The following DCAF8L2 variants were observed in gnomAD, a reference collection of about 807,000 sequenced individuals.
DCAF8L2 encodes DDB1 and CUL4 associated factor 8 like 2, also known as DDB1- and CUL4-associated factor 8-like protein 2.
For missense variants in DCAF8L2, 430 were observed against 490.7 expected, an observed-to-expected ratio of 0.88 and a Z score of 1.17; for synonymous variants, 200 against 190.9, an observed-to-expected ratio of 1.05 and a Z score of -0.39.
At chrX:27,500,581 C>T in the DCAF8L2 span, among the ~76,000 whole-genome samples, 3 of 111,498 alleles carry the variant, frequency 2.7e-5, no homozygotes, top group South Asian at 1.1e-3. Context: ...CAATATATTT[C>T]CCTGGGAATT....
intron 2 of DCAF8L2, among the ~76,000 whole-genome samples, chrX:27,645,826 G>T (rs1928917612): frequency 1.8e-5 from 2 of 110,751 alleles, no homozygotes; most frequent in African/African-American, 6.6e-5. Context: ...TTGCCACAAA[G>T]AGAATAAAAC....
the DCAF8L2 span, among the ~76,000 whole-genome samples, chrX:27,520,891 TATG>T: frequency 1.1e-4 from 12 of 112,019 alleles, no homozygotes; most frequent in African/African-American, 3.6e-4. Context: ...GTTCTCAAAA[TATG>T]AGAACTTTCA....
chrX:27,663,175 A>G (rs376082187), intron 2 of DCAF8L2, among the ~76,000 whole-genome samples: 4 of 112,068 alleles, frequency 3.6e-5, no homozygotes, highest in East Asian at 2.8e-4. Context: ...ATGGTATCCC[A>G]TAGAGTGAAA....
intron 2 of DCAF8L2, among the ~76,000 whole-genome samples, chrX:27,662,796 T>G (rs981749036): frequency 8.9e-6 from 1 of 111,775 alleles, no homozygotes; most frequent in African/African-American, 3.2e-5. Flanking sequence ...ATGACCCATA[T>G]AAGAGTGTTA....
At chrX:27,587,975 TAA>T (rs531576238), upstream of DCAF8L2, among the ~76,000 whole-genome samples, 595 of 25,484 alleles carry the variant, frequency 0.023, 9 homozygotes, top group African/African-American at 0.062. Context: ...GTACTTCCAT[TAA>T]AAAAAAAAAT....
At chrX:27,532,061 C>A in the DCAF8L2 span, among the ~76,000 whole-genome samples, 52 of 95,669 alleles carry the variant, frequency 5.4e-4, 1 homozygote, top group African/African-American at 2.2e-3. Flanking sequence ...AAATTGATAT[C>A]GATATATATA....
At chrX:27,592,420 T>TTG (rs200441788) in intron 1 of DCAF8L2, among the ~76,000 whole-genome samples, 3,411 of 94,015 alleles carry the variant, frequency 0.036, 128 homozygotes, top group African/African-American at 0.17. Flanking sequence ...TGTTTTTGTT[T>TTG]TTTTTTTTTT....
At chrX:27,717,439 A>G (rs770764892) in intron 4 of DCAF8L2, among the ~76,000 whole-genome samples, 1 of 112,282 alleles carries the variant, frequency 8.9e-6, no homozygotes, top group South Asian at 3.7e-4. Context: ...CTGACATGAG[A>G]TGGTATCTCA....
chrX:27,588,125 G>A (rs7883791), upstream of DCAF8L2, among the ~76,000 whole-genome samples: 5,259 of 107,199 alleles, frequency 0.049, 284 homozygotes, highest in African/African-American at 0.14. Context: ...CCCAGGTAGC[G>A]AACATAGTCC....
intron 3 of DCAF8L2, among the ~76,000 whole-genome samples, chrX:27,696,322 GAA>G (rs1424803203): frequency 1.4e-3 from 54 of 38,896 alleles, no homozygotes; most frequent in South Asian, 5.3e-3. Context: ...AAGAAAGAAA[GAA>G]AGAAAGAAAA....
At chrX:27,579,702 CTT>C in the DCAF8L2 span, among the ~76,000 whole-genome samples, 1 of 107,767 alleles carries the variant, frequency 9.3e-6, no homozygotes, top group African/African-American at 3.4e-5. Flanking sequence ...GTACTCCTCT[CTT>C]TTCAGACTTT....
the DCAF8L2 span, among the ~76,000 whole-genome samples, chrX:27,503,580 CAAA>C: frequency 3.9e-4 from 41 of 105,849 alleles, no homozygotes; most frequent in African/African-American, 1.4e-3. Context: ...TTCACTTTTG[CAAA>C]AAAAAAATCA....
chrX:27,690,982 T>C (rs1930692355), intron 3 of DCAF8L2, among the ~76,000 whole-genome samples: 1 of 111,709 alleles, frequency 9.0e-6, no homozygotes, highest in Non-Finnish European at 1.9e-5. Flanking sequence ...ACCACTGAAA[T>C]AAGCATTTTT....
At chrX:27,492,454 C>A in the DCAF8L2 span, among the ~76,000 whole-genome samples, 22,020 of 108,290 alleles carry the variant, frequency 0.2, 2,225 homozygotes, top group African/African-American at 0.35. Context: ...CCTTTGCTAA[C>A]TCCATGTTTT....
At chrX:27,478,476 C>A in the DCAF8L2 span, among the ~76,000 whole-genome samples, 1 of 111,968 alleles carries the variant, frequency 8.9e-6, no homozygotes, top group African/African-American at 3.2e-5. Flanking sequence ...GTTTGGATTA[C>A]ATTTGCTTTC....
chrX:27,494,909 A>C, the DCAF8L2 span, among the ~76,000 whole-genome samples: 1 of 111,469 alleles, frequency 9.0e-6, no homozygotes, highest in African/African-American at 3.2e-5. Flanking sequence ...TTAGAAGGTC[A>C]AAATGTTTTA....
chrX:27,742,428 G>A (rs192938497), intron 4 of DCAF8L2, among the ~76,000 whole-genome samples: 12 of 109,904 alleles, frequency 1.1e-4, no homozygotes, highest in African/African-American at 2.7e-4. Context: ...AATTAGCCAG[G>A]TGGGGTGGCA....
At chrX:27,542,784 C>T in the DCAF8L2 span, among the ~76,000 whole-genome samples, 21 of 109,436 alleles carry the variant, frequency 1.9e-4, no homozygotes, top group East Asian at 5.8e-4. Flanking sequence ...CCTCGGGATC[C>T]GCCCGCCTCG....
the DCAF8L2 span, among the ~76,000 whole-genome samples, chrX:27,491,135 A>G: frequency 8.9e-6 from 1 of 111,996 alleles, no homozygotes; most frequent in Non-Finnish European, 1.9e-5. Flanking sequence ...TTAACTTTTG[A>G]TTTGTATTTT....
Sources: allele counts gnomAD v4.1 joint callset (sites outside exome capture counted in the v4.1 genomes callset), GRCh38; gene constraint gnomAD v4.1.1; transcripts MANE v1.5; gene names NCBI Gene and HGNC (gene_info 2026-07-23, HGNC 2026-07-21).